Variants in CXADR observed in about 807,000 individuals in gnomAD.
CXADR encodes coxsackievirus and adenovirus receptor.
A neutral mutation model predicts 40.3 loss-of-function variants in CXADR; 20 were observed. The ratio of observed to expected loss-of-function variants is 0.50; its 90% CI spans 0.35 to 0.72. The LOEUF (loss-of-function observed/expected upper bound fraction) is 0.72. CXADR is among the 30% of genes least tolerant of loss of function. The pLI is 0.01. For missense variants in CXADR, 332 were observed against 449.1 expected (o/e 0.74, Z 2.36); for synonymous variants, 150 against 161.3 (o/e 0.93, Z 0.53).
At chr21:17,565,339 C>A (rs2061190801) in intron 6 of CXADR, 89 bp from the exon 7 acceptor site, 3 of 1,389,732 alleles carry the variant, frequency 2.2e-6, no homozygotes, top group Admixed American at 2.0e-5. Flanking sequence ...TACCTAAATA[C>A]AGGCTCTTAT....
At chr21:17,601,186 G>A in the CXADR span, among the ~76,000 whole-genome samples, 2 of 148,858 alleles carry the variant, frequency 1.3e-5, no homozygotes, top group East Asian at 2.0e-4. Flanking sequence ...AAGTTGCTAC[G>A]GGATGGTAGA....
chr21:17,562,121 A>G (rs965347052), intron 6 of CXADR, among the ~76,000 whole-genome samples: 5 of 146,580 alleles, frequency 3.4e-5, no homozygotes, highest in African/African-American at 1.3e-4. Flanking sequence ...CAGTAGCATT[A>G]TGTGTAAAAA....
chr21:17,551,683 CTTT>C, intron 2 of CXADR, 63 bp from the exon 3 acceptor site: 1 of 1,457,268 alleles, frequency 6.9e-7, no homozygotes. Flanking sequence ...TCCAGGGCTC[CTTT>C]AAGAGACAGT....
At chr21:17,554,051 C>T (rs1017769327) in intron 3 of CXADR, among the ~76,000 whole-genome samples, 12 of 152,170 alleles carry the variant, frequency 7.9e-5, no homozygotes, top group African/African-American at 1.9e-4. Context: ...TCATGATATG[C>T]GAAGCAGAAG....
intron 1 of CXADR, among the ~76,000 whole-genome samples, chr21:17,540,096 C>T (rs866951661): frequency 1.3e-5 from 2 of 152,160 alleles, no homozygotes; most frequent in African/African-American, 4.8e-5. Context: ...GGCTGGTAGA[C>T]AGCTGCCGTC....
intron 1 of CXADR, among the ~76,000 whole-genome samples, chr21:17,545,515 C>T (rs1197352073): frequency 1.3e-5 from 2 of 152,094 alleles, no homozygotes; most frequent in African/African-American, 2.4e-5. Flanking sequence ...CAGCCTCTAC[C>T]TCCCAAGTTC....
At chr21:17,579,520 G>A (rs1216744793) in intron 7 of CXADR, among the ~76,000 whole-genome samples, 10 of 152,122 alleles carry the variant, frequency 6.6e-5, no homozygotes, top group African/African-American at 2.2e-4. Context: ...TCCTGACCTC[G>A]TGATCTGCCT....
the CXADR span, among the ~76,000 whole-genome samples, chr21:17,620,570 G>T: frequency 6.6e-6 from 1 of 152,124 alleles, no homozygotes. Flanking sequence ...CAAGCTGTTG[G>T]AAAAATGATG....
At chr21:17,624,044 C>G in the CXADR span, among the ~76,000 whole-genome samples, 41 of 152,210 alleles carry the variant, frequency 2.7e-4, no homozygotes, top group Middle Eastern at 3.4e-3. Context: ...TAAGGCTGAT[C>G]GTGTCATGCC....
the CXADR span, among the ~76,000 whole-genome samples, chr21:17,619,116 A>G: frequency 4.6e-5 from 7 of 152,220 alleles, no homozygotes; most frequent in Non-Finnish European, 1.0e-4. Flanking sequence ...TTATTTCTAG[A>G]ACATAAGCAG....
chr21:17,606,394 A>G, the CXADR span, among the ~76,000 whole-genome samples: 1 of 152,172 alleles, frequency 6.6e-6, no homozygotes, highest in East Asian at 1.9e-4. Context: ...AATATAACAA[A>G]GGCAAAGTGA....
At chr21:17,575,836 C>G (rs2061318389) in intron 7 of CXADR, among the ~76,000 whole-genome samples, 1 of 151,154 alleles carries the variant, frequency 6.6e-6, no homozygotes, top group Non-Finnish European at 1.5e-5. Context: ...GCCTGTAATC[C>G]CAGCACTTTG....
At chr21:17,586,895 C>T (rs1047941386) in intron 7 of CXADR, among the ~76,000 whole-genome samples, 1 of 152,116 alleles carries the variant, frequency 6.6e-6, no homozygotes, top group Non-Finnish European at 1.5e-5. Context: ...TCCCTCCCCT[C>T]ACCCCACAAC....
At chr21:17,576,910 TAAAACAA>T (rs2061325957) in intron 7 of CXADR, 1 of 150,986 alleles carries the variant, frequency 6.6e-6, no homozygotes, top group South Asian at 2.1e-4. Flanking sequence ...GTCTTTATTT[TAAAACAA>T]AAAACAAAAA....
At chr21:17,529,867 G>A (rs908496474) in intron 1 of CXADR, among the ~76,000 whole-genome samples, 1 of 151,942 alleles carries the variant, frequency 6.6e-6, no homozygotes, top group Admixed American at 6.6e-5. Flanking sequence ...AACCTGATCC[G>A]GAAATAGAAC....
In CXADR at chr21:17,513,104, C is replaced by G; in HGVS notation, c.-26C>G. On this transcript the variant is annotated 5_prime_UTR_variant, in exon 1 of 7. Coordinates refer to ENST00000284878, the MANE Select transcript of CXADR (RefSeq NM_001338.5). ...AGGAGCGAGAGCCGCCTACCTGCAG[C>G]CGCCGCCCACGGCACGGCAGCCACC... is the stretch of plus-strand genomic sequence containing the variant. The G allele has an allele frequency of 1.5e-6, 2 of 1,345,584 alleles. No homozygotes were observed. The allele number at this position is 1,345,584 out of a possible 1,614,324, so 83.4% of individuals were successfully genotyped here.
At chr21:17,633,975 G>C in the CXADR span, among the ~76,000 whole-genome samples, 2 of 152,046 alleles carry the variant, frequency 1.3e-5, no homozygotes, top group African/African-American at 2.4e-5. Context: ...TTATAGATTC[G>C]AATTCTCAAA....
At chr21:17,561,607 A>G in intron 6 of CXADR, 131 bp downstream of exon 6, 1 of 697,598 alleles carries the variant, frequency 1.4e-6, no homozygotes, top group East Asian at 3.1e-5. Context: ...CCGCCTTCTC[A>G]ATACATTTGA....
At chr21:17,542,111 G>T in intron 1 of CXADR, 1 of 278,690 alleles carries the variant, frequency 3.6e-6, no homozygotes, top group Non-Finnish European at 7.1e-6. Context: ...GTGTTTTTCT[G>T]TTCTACTTTT....
Sources: allele counts gnomAD v4.1 joint callset (sites outside exome capture counted in the v4.1 genomes callset), GRCh38; gene constraint gnomAD v4.1.1; transcripts MANE v1.5; gene names NCBI Gene and HGNC (gene_info 2026-07-23, HGNC 2026-07-21).